Variants in CCDC60 observed in about 807,000 individuals in gnomAD.
CCDC60 encodes the protein coiled-coil domain-containing protein 60.
Under a neutral mutation model 63.5 loss-of-function variants are expected in CCDC60, and 54 were observed. That is an observed-to-expected ratio of 0.85 (90% confidence interval 0.68 to 1.07). The LOEUF (loss-of-function observed/expected upper bound fraction) is 1.07. CCDC60 is among the 50% of genes least tolerant of loss of function. CCDC60 has a pLI of 0.00. For synonymous variants in CCDC60, 206 were observed against 238.8 expected (o/e 0.86, Z 1.27); for missense variants, 651 against 684.3 (o/e 0.95, Z 0.54).
At chr12:119,431,759 A>T (rs979927253) in intron 2 of CCDC60, among the ~76,000 whole-genome samples, 3 of 151,908 alleles carry the variant, frequency 2.0e-5, no homozygotes, top group Non-Finnish European at 4.4e-5. Flanking sequence ...GCTCACTGCA[A>T]CCTCCGCCTC....
At chr12:119,472,699 G>C (rs1951092037) in intron 3 of CCDC60, among the ~76,000 whole-genome samples, 1 of 148,908 alleles carries the variant, frequency 6.7e-6, no homozygotes, top group Non-Finnish European at 1.5e-5. Flanking sequence ...TCCTGCCTCA[G>C]CCTCCCAAGT....
chr12:119,445,433 C>CAAAAAAAAAAAAAAAAAAAA (rs58415660), intron 2 of CCDC60, among the ~76,000 whole-genome samples: 7 of 27,200 alleles, frequency 2.6e-4, no homozygotes, highest in East Asian at 2.6e-3. Context: ...GACTCCATCT[C>CAAAAAAAAAAAAAAAAAAAA]AAAAAAAAAA....
intron 5 of CCDC60, 42 bp downstream of exon 5, chr12:119,488,908 C>A (rs1049919112): frequency 1.3e-6 from 2 of 1,495,738 alleles, no homozygotes; most frequent in Non-Finnish European, 1.9e-6. Context: ...TAGCAGTAGG[C>A]TGGGCAGTGG....
At chr12:119,514,973 A>G (rs887753863) in intron 7 of CCDC60, among the ~76,000 whole-genome samples, 3 of 152,268 alleles carry the variant, frequency 2.0e-5, no homozygotes, top group South Asian at 2.1e-4. Context: ...TATTCAGTAC[A>G]GTAACATGCT....
At chr12:119,398,519 G>A (rs558297218) in intron 1 of CCDC60, among the ~76,000 whole-genome samples, 18 of 152,338 alleles carry the variant, frequency 1.2e-4, no homozygotes, top group Admixed American at 7.2e-4. Context: ...CTCCTCAAGC[G>A]CGGCCAGAGT....
chr12:119,354,083 C>G (rs1327139309), intron 1 of CCDC60, among the ~76,000 whole-genome samples: 1 of 151,858 alleles, frequency 6.6e-6, no homozygotes, highest in Non-Finnish European at 1.5e-5. Flanking sequence ...TCTCTCGTCT[C>G]TCTCCTACCT....
In CCDC60 at chr12:119,500,217, G is replaced by T. The variant is rs771463517; in HGVS notation, c.648+49G>T. ...CCCTTTGGCTCCTAGGTCCCAGCTT[G>T]TGTTGAGGAGTATTTTTGCCAGTCT... On this transcript the variant is annotated intron_variant, in intron 6 of 13. Coordinates refer to ENST00000327554, the MANE Select transcript of CCDC60 (RefSeq NM_178499.5). 6.5e-6 allele frequency: 8 copies of T among 1,238,304 alleles called. No individual in the cohort carries two copies. In the African/African-American group the frequency reaches 1.2e-4, roughly 19 times the overall value. The allele number at this position is 1,238,304 out of a possible 1,614,324, so 76.7% of individuals were successfully genotyped here.
intron 1 of CCDC60, among the ~76,000 whole-genome samples, chr12:119,412,271 T>TA (rs375576526): frequency 0.096 from 14,022 of 145,738 alleles, 720 homozygotes; most frequent in Middle Eastern, 0.17. Context: ...CTCTTCACAT[T>TA]AAAAAAAAAA....
chr12:119,443,594 G>A (rs768300735), intron 2 of CCDC60, among the ~76,000 whole-genome samples: 3 of 152,126 alleles, frequency 2.0e-5, no homozygotes, highest in Non-Finnish European at 4.4e-5. Flanking sequence ...AAAACAGCAG[G>A]CAGTTTAAAC....
intron 2 of CCDC60, among the ~76,000 whole-genome samples, chr12:119,447,033 T>C (rs1245049034): frequency 6.6e-6 from 1 of 152,168 alleles, no homozygotes; most frequent in Non-Finnish European, 1.5e-5. Flanking sequence ...AGCTTAATCC[T>C]GGGGATCAGG....
intron 2 of CCDC60, among the ~76,000 whole-genome samples, chr12:119,430,463 G>A (rs549028261): frequency 6.6e-6 from 1 of 151,966 alleles, no homozygotes; most frequent in South Asian, 2.1e-4. Context: ...TCAGGAAATC[G>A]AGACCATCCT....
chr12:119,336,913 T>G (rs1312697408), intron 1 of CCDC60, among the ~76,000 whole-genome samples: 1 of 152,206 alleles, frequency 6.6e-6, no homozygotes, highest in Admixed American at 6.5e-5. Context: ...GCATTTGTTA[T>G]TGTATCCTCA....
At chr12:119,526,498 A>G (rs1952681630) in intron 11 of CCDC60, among the ~76,000 whole-genome samples, 1 of 152,190 alleles carries the variant, frequency 6.6e-6, no homozygotes, top group Non-Finnish European at 1.5e-5. Context: ...GGGAGAAAAT[A>G]TTTGCAAACT....
intron 5 of CCDC60, among the ~76,000 whole-genome samples, chr12:119,498,528 A>C (rs1168031273): frequency 6.6e-6 from 1 of 151,802 alleles, no homozygotes; most frequent in Non-Finnish European, 1.5e-5. Flanking sequence ...GTAGAGACAG[A>C]GTTTCACCAT....
intron 1 of CCDC60, among the ~76,000 whole-genome samples, chr12:119,362,331 T>C (rs1353233094): frequency 6.6e-6 from 1 of 152,170 alleles, no homozygotes; most frequent in Admixed American, 6.5e-5. Flanking sequence ...CTGTTAACCA[T>C]GACCTTAATA....
chr12:119,506,631 A>AGAAGGGAAGGGGGAATGGG, intron 7 of CCDC60, among the ~76,000 whole-genome samples: 2 of 151,864 alleles, frequency 1.3e-5, no homozygotes, highest in Non-Finnish European at 2.9e-5. Flanking sequence ...AAAGAAGAGA[A>AGAAGGGAAGGGGGAATGGG]GAAGGGAAGG....
intron 7 of CCDC60, among the ~76,000 whole-genome samples, chr12:119,513,414 T>C (rs1453736445): frequency 6.6e-6 from 1 of 152,226 alleles, no homozygotes; most frequent in Non-Finnish European, 1.5e-5. Context: ...CCGAAATCCA[T>C]AGGAGAGAAT....
intron 2 of CCDC60, among the ~76,000 whole-genome samples, chr12:119,441,065 T>C (rs1950435419): frequency 6.6e-6 from 1 of 152,204 alleles, no homozygotes; most frequent in African/African-American, 2.4e-5. Flanking sequence ...TGACCCCAGC[T>C]GTGGGGCTGC....
chr12:119,453,105 G>A (rs1950664216), intron 2 of CCDC60, among the ~76,000 whole-genome samples: 3 of 152,192 alleles, frequency 2.0e-5, no homozygotes, highest in Non-Finnish European at 1.5e-5. Flanking sequence ...GGGATTACAG[G>A]CGTGAGCCAC....
Sources: allele counts gnomAD v4.1 joint callset (sites outside exome capture counted in the v4.1 genomes callset), GRCh38; gene constraint gnomAD v4.1.1; transcripts MANE v1.5; gene names NCBI Gene and HGNC (gene_info 2026-07-23, HGNC 2026-07-21).